Variants in LOC128092252 observed in about 807,000 individuals in gnomAD.
At chr15:50,651,163 G>A in the LOC128092252 span, among the ~76,000 whole-genome samples, 3 of 152,028 alleles carry the variant, frequency 2.0e-5, no homozygotes, top group East Asian at 5.8e-4. Flanking sequence ...CTCCAGCCTG[G>A]GTGACACAGA....
the LOC128092252 span, among the ~76,000 whole-genome samples, chr15:50,657,136 C>T: frequency 6.6e-6 from 1 of 152,044 alleles, no homozygotes; most frequent in Non-Finnish European, 1.5e-5. Context: ...CCAGCCTGGC[C>T]AACATGGTGA....
the LOC128092252 span, among the ~76,000 whole-genome samples, chr15:50,665,620 C>T: frequency 2.0e-5 from 3 of 152,080 alleles, no homozygotes; most frequent in African/African-American, 7.2e-5. Flanking sequence ...AGTGAAAATT[C>T]TATGCACTTG....
the LOC128092252 span, among the ~76,000 whole-genome samples, chr15:50,677,544 G>C: frequency 6.6e-6 from 1 of 151,676 alleles, no homozygotes; most frequent in South Asian, 2.1e-4. Context: ...TTTGAGACCA[G>C]CCTGACCAAC....
chr15:50,684,194 C>T, the LOC128092252 span, among the ~76,000 whole-genome samples: 1 of 151,566 alleles, frequency 6.6e-6, no homozygotes, highest in South Asian at 2.1e-4. Flanking sequence ...ACTCTGTCAC[C>T]CAGGCTGTAG....
At chr15:50,683,940 A>T in the LOC128092252 span, among the ~76,000 whole-genome samples, 1 of 151,398 alleles carries the variant, frequency 6.6e-6, no homozygotes, top group East Asian at 1.9e-4. Context: ...GGCTCACTGC[A>T]ACCTCCGCCT....
chr15:50,674,334 G>A, the LOC128092252 span, among the ~76,000 whole-genome samples: 4 of 152,056 alleles, frequency 2.6e-5, no homozygotes, highest in Admixed American at 6.6e-5. Context: ...GTTTCACCAT[G>A]TTGGTCAGGC....
the LOC128092252 span, among the ~76,000 whole-genome samples, chr15:50,672,861 T>C: frequency 8.5e-6 from 1 of 117,036 alleles, no homozygotes; most frequent in South Asian, 2.8e-4. Context: ...AGTGAGCCAC[T>C]GCACTCCAGC....
the LOC128092252 span, among the ~76,000 whole-genome samples, chr15:50,651,478 T>C: frequency 1.9e-4 from 29 of 151,426 alleles, no homozygotes; most frequent in African/African-American, 7.1e-4. Context: ...ACCCCGTCTG[T>C]AATAAAAATA....
chr15:50,668,861 A>C, the LOC128092252 span, among the ~76,000 whole-genome samples: 1 of 152,270 alleles, frequency 6.6e-6, no homozygotes, highest in Admixed American at 6.5e-5. Context: ...TTGTGACAGG[A>C]CACAATTGGA....
the LOC128092252 span, among the ~76,000 whole-genome samples, chr15:50,683,589 C>T: frequency 6.6e-6 from 1 of 152,042 alleles, no homozygotes; most frequent in South Asian, 2.1e-4. Context: ...CAAAAATTAG[C>T]CGGGTGTGGT....
At chr15:50,680,558 G>C in the LOC128092252 span, among the ~76,000 whole-genome samples, 2 of 147,974 alleles carry the variant, frequency 1.4e-5, no homozygotes, top group African/African-American at 5.0e-5. Context: ...GACAGAGAGA[G>C]ACACTTGTCT....
chr15:50,686,388 G>A, the LOC128092252 span: 3 of 1,395,120 alleles, frequency 2.2e-6, no homozygotes, highest in Admixed American at 1.8e-5. Flanking sequence ...CGTCCCGAGA[G>A]GACAAATCCG....
chr15:50,650,076 C>T, the LOC128092252 span, among the ~76,000 whole-genome samples: 1 of 151,102 alleles, frequency 6.6e-6, no homozygotes, highest in Non-Finnish European at 1.5e-5. Context: ...GCCTGTAATC[C>T]CAGCTACTCA....
At chr15:50,684,882 A>G in the LOC128092252 span, among the ~76,000 whole-genome samples, 1 of 152,218 alleles carries the variant, frequency 6.6e-6, no homozygotes, top group African/African-American at 2.4e-5. Context: ...TAACAAATCA[A>G]CTGACTAAAA....
the LOC128092252 span, among the ~76,000 whole-genome samples, chr15:50,651,489 A>T: frequency 1.3e-5 from 2 of 151,850 alleles, no homozygotes; most frequent in East Asian, 1.9e-4. Flanking sequence ...AATAAAAATA[A>T]AAAAAATTTA....
At chr15:50,682,802 T>C in the LOC128092252 span, among the ~76,000 whole-genome samples, 13 of 152,172 alleles carry the variant, frequency 8.5e-5, no homozygotes, top group Admixed American at 7.9e-4. Flanking sequence ...TTCTTTTTAC[T>C]GATTCACATA....
chr15:50,665,992 C>A, the LOC128092252 span, among the ~76,000 whole-genome samples: 1 of 150,702 alleles, frequency 6.6e-6, no homozygotes, highest in East Asian at 2.0e-4. Flanking sequence ...GACTCTCTCT[C>A]AAAAAATAAT....
the LOC128092252 span, among the ~76,000 whole-genome samples, chr15:50,684,601 A>G: frequency 6.6e-6 from 1 of 152,056 alleles, no homozygotes; most frequent in Non-Finnish European, 1.5e-5. Flanking sequence ...AGATCGCTAC[A>G]CTGCACTCAG....
the LOC128092252 span, among the ~76,000 whole-genome samples, chr15:50,658,988 G>C: frequency 7.2e-5 from 11 of 152,010 alleles, no homozygotes; most frequent in African/African-American, 2.7e-4. Flanking sequence ...CACGAGGTCA[G>C]GAGATCAAGA....
Sources: gnomAD v4.1 joint callset for allele counts (sites outside exome capture counted in the v4.1 genomes callset) on GRCh38, gnomAD v4.1.1 for gene constraint, MANE v1.5 for transcripts.